Variants in SCN2A observed in about 807,000 individuals in gnomAD.
SCN2A encodes sodium channel protein type 2 subunit alpha.
SCN2A carries 20 observed loss-of-function variants against 188.7 expected under a neutral mutation model. The observed-to-expected ratio is 0.11, with a 90% CI of 0.07 to 0.15. The LOEUF (loss-of-function observed/expected upper bound fraction) is 0.15. Ranked by LOEUF, SCN2A falls within the 10% of genes least tolerant of loss-of-function variation. The pLI is 1.00. For synonymous variants in SCN2A, 804 were observed against 833.1 expected (o/e 0.97, Z 0.60); for missense variants, 1,278 against 2,445.0 (o/e 0.52, Z 10.07).
intron 6 of SCN2A, 73 bp downstream of exon 6, chr2:165,309,516 C>T: frequency 6.4e-7 from 1 of 1,565,926 alleles, no homozygotes; most frequent in African/African-American, 1.4e-5. Context: ...TGTGCAGAAG[C>T]CTTGTTGCTA....
intron 15 of SCN2A, among the ~76,000 whole-genome samples, chr2:165,343,030 AAAGT>A (rs2105315972): frequency 6.6e-6 from 1 of 152,344 alleles, no homozygotes; most frequent in African/African-American, 2.4e-5. Flanking sequence ...AATTTTAAAG[AAAGT>A]ATCTTTCTTT....
At chr2:165,379,976 C>T (rs954106954) in intron 23 of SCN2A, among the ~76,000 whole-genome samples, 5 of 151,760 alleles carry the variant, frequency 3.3e-5, no homozygotes, top group African/African-American at 7.2e-5. Flanking sequence ...TAGGATAAAG[C>T]AATAGATTCA....
At chr2:165,341,859 G>A (rs144517921) in intron 14 of SCN2A, among the ~76,000 whole-genome samples, 5 of 152,288 alleles carry the variant, frequency 3.3e-5, no homozygotes, top group African/African-American at 1.2e-4. Context: ...AGCTAGCCGT[G>A]AGCATGTTTA....
chr2:165,296,115 C>T (rs1312937685), intron 2 of SCN2A, 25 bp downstream of exon 2: 1 of 1,606,600 alleles, frequency 6.2e-7, no homozygotes, highest in Non-Finnish European at 8.5e-7. Flanking sequence ...AAGTTGCCTT[C>T]ACTGCCTATT....
chr2:165,328,598 A>C (rs1005479100), intron 13 of SCN2A: 2 of 748,154 alleles, frequency 2.7e-6, no homozygotes, highest in Non-Finnish European at 3.3e-6. Flanking sequence ...TGAGCTAAAT[A>C]AGACATTACT....
intron 3 of SCN2A, among the ~76,000 whole-genome samples, chr2:165,306,433 ATTCT>A (rs1311684770): frequency 6.6e-6 from 1 of 151,916 alleles, no homozygotes; most frequent in Non-Finnish European, 1.5e-5. Flanking sequence ...ATAGCAAGTC[ATTCT>A]TTATTTAATT....
In SCN2A at chr2:165,274,352, G is replaced by A. The variant is rs188076230; in HGVS notation, c.-51-21421G>A. 2.7e-3 allele frequency: 404 copies of A among 147,214 alleles called. 1 individual carries two copies. The highest frequency in any genetic ancestry group is 9.8e-3 in the African/African-American group (392 of 40,080). 9.1% of individuals were successfully genotyped at this position (147,214 alleles called of 1,614,324 possible). A position where few individuals can be genotyped will look rare whatever the true frequency, so the allele number is the denominator to read the frequency against. On this transcript the variant is annotated intron_variant, in intron 1 of 26. Transcript: ENST00000375437. ...AGGGATTATCCTTATTCTAAGTAGG[G>A]GAGAAAAAATTAAAAAAAAAAAAAA...
At chr2:165,332,961 T>G (rs1393467571) in intron 14 of SCN2A, among the ~76,000 whole-genome samples, 1 of 152,000 alleles carries the variant, frequency 6.6e-6, no homozygotes, top group Non-Finnish European at 1.5e-5. Context: ...ATTGCCAAGA[T>G]TCTATCAACT....
intron 1 of SCN2A, among the ~76,000 whole-genome samples, chr2:165,263,725 GATT>G (rs1694711052): frequency 6.6e-6 from 1 of 151,886 alleles, no homozygotes; most frequent in South Asian, 2.1e-4. Flanking sequence ...TGAATTTTAA[GATT>G]ATTTTTTCTA....
intron 16 of SCN2A, among the ~76,000 whole-genome samples, chr2:165,350,773 C>T (rs1699869313): frequency 6.6e-6 from 1 of 152,016 alleles, no homozygotes; most frequent in Admixed American, 6.6e-5. Context: ...CCGGCCTGAA[C>T]TGTTTTCTTA....
At chr2:165,352,064 C>A (rs936632579) in intron 16 of SCN2A, among the ~76,000 whole-genome samples, 1 of 151,866 alleles carries the variant, frequency 6.6e-6, no homozygotes, top group Non-Finnish European at 1.5e-5. Context: ...GGATGTGTAT[C>A]AAGAAAAATT....
intron 1 of SCN2A, among the ~76,000 whole-genome samples, chr2:165,291,510 TC>T (rs1696176802): frequency 7.5e-6 from 1 of 133,596 alleles, no homozygotes; most frequent in African/African-American, 2.9e-5. Context: ...TTTCTTTCTT[TC>T]TTCCTCTCCT....
chr2:165,272,470 A>G (rs1280824425), intron 1 of SCN2A: 2 of 152,108 alleles, frequency 1.3e-5, no homozygotes, highest in East Asian at 3.8e-4. Context: ...AAAATCAATG[A>G]TATAGACAAC....
intron 1 of SCN2A, among the ~76,000 whole-genome samples, chr2:165,246,432 C>T (rs745741033): frequency 6.6e-5 from 10 of 152,124 alleles, no homozygotes; most frequent in Non-Finnish European, 4.4e-5. Flanking sequence ...GTAACTGTGG[C>T]CTGCCCATAA....
At chr2:165,348,607 G>C (rs938472838) in intron 16 of SCN2A, among the ~76,000 whole-genome samples, 1 of 152,156 alleles carries the variant, frequency 6.6e-6, no homozygotes, top group Non-Finnish European at 1.5e-5. Flanking sequence ...AATAAACACT[G>C]ATTACTTCAT....
At position 165,240,866 on chromosome 2, in the gene SCN2A, A is replaced by G. The variant is rs76307790; in HGVS notation, c.-52+1226A>G. 1.3e-3 allele frequency among the ~76,000 whole-genome samples: 194 copies of G among 152,210 alleles called. 1 individual carries two copies. The East Asian group carries it at 0.03, about 23-fold the overall frequency. On this transcript the variant is annotated intron_variant, in intron 1 of 26. Coordinates refer to ENST00000375437, the MANE Select transcript of SCN2A (RefSeq NM_001040142.2). ...AAAACATGTTTTTTAAATGTGTGGA[A>G]TCTATAGAGTTTGTAGTTCTACATG...
intron 1 of SCN2A, chr2:165,268,702 C>T (rs1294013581): frequency 6.6e-6 from 1 of 151,658 alleles, no homozygotes; most frequent in African/African-American, 2.4e-5. Context: ...TTCCAATAGA[C>T]AGGATACGGA....
chr2:165,360,383 A>G (rs899686847), intron 17 of SCN2A, among the ~76,000 whole-genome samples: 2 of 152,010 alleles, frequency 1.3e-5, no homozygotes, highest in South Asian at 4.1e-4. Context: ...GAAGTATAAT[A>G]TCTAAAAATA....
intron 1 of SCN2A, among the ~76,000 whole-genome samples, chr2:165,291,601 T>TCTC (rs1559340877): frequency 5.8e-5 from 5 of 86,648 alleles, no homozygotes; most frequent in African/African-American, 1.8e-4. Flanking sequence ...CTCTCTCTCT[T>TCTC]TCTTTCTTTG....
Sources: gnomAD v4.1 joint callset for allele counts (sites outside exome capture counted in the v4.1 genomes callset) on GRCh38, gnomAD v4.1.1 for gene constraint, MANE v1.5 for transcripts, NCBI Gene and HGNC (gene_info 2026-07-23, HGNC 2026-07-21) for gene names.